The following TRIO variants were observed in gnomAD, a reference collection of about 807,000 sequenced individuals.
The protein encoded by TRIO is trio Rho guanine nucleotide exchange factor.
A neutral mutation model predicts 351.9 loss-of-function variants in TRIO; 58 were observed. The observed-to-expected ratio is 0.16, with a 90% CI of 0.13 to 0.21. The LOEUF (loss-of-function observed/expected upper bound fraction) is 0.21, where lower values mean the gene tolerates loss of function less well. TRIO is among the 10% of genes least tolerant of loss of function. The pLI, the probability that TRIO is intolerant of heterozygous loss-of-function variation, is 1.00. For synonymous variants in TRIO, 1,758 were observed against 1,595.7 expected (o/e 1.10, Z -2.42); for missense variants, 3,201 against 4,027.8 (o/e 0.79, Z 5.56).
At chr5:14,321,283 C>G (rs571183554) in intron 9 of TRIO, among the ~76,000 whole-genome samples, 20 of 152,310 alleles carry the variant, frequency 1.3e-4, no homozygotes, top group African/African-American at 4.3e-4. Flanking sequence ...GCGGCAAGTG[C>G]CTAGTGTGGA....
chr5:14,177,523 C>T (rs189315111), intron 1 of TRIO, among the ~76,000 whole-genome samples: 46 of 152,264 alleles, frequency 3.0e-4, no homozygotes, highest in African/African-American at 1.1e-3. Flanking sequence ...GCCCAGGATT[C>T]TTGTACTTTT....
intron 19 of TRIO, among the ~76,000 whole-genome samples, chr5:14,375,667 G>A (rs766480159): frequency 2.6e-5 from 4 of 152,190 alleles, no homozygotes; most frequent in East Asian, 1.9e-4. Flanking sequence ...CTCAGACCAC[G>A]TGGTCAGAGG....
intron 15 of TRIO, among the ~76,000 whole-genome samples, chr5:14,365,895 C>T (rs1179378132): frequency 3.3e-5 from 5 of 152,118 alleles, no homozygotes; most frequent in Non-Finnish European, 7.3e-5. Context: ...AAGGGGAACG[C>T]ATAATGAGAA....
At chr5:14,465,931 T>C in intron 37 of TRIO, 1 of 353,468 alleles carries the variant, frequency 2.8e-6, no homozygotes, top group South Asian at 3.5e-5. Context: ...TGGTTCAAGC[T>C]GCCAGCCATG....
intron 34 of TRIO, among the ~76,000 whole-genome samples, chr5:14,423,089 C>T (rs539122188): frequency 6.6e-6 from 1 of 152,356 alleles, no homozygotes; most frequent in South Asian, 2.1e-4. Flanking sequence ...CTTCCTCCGT[C>T]TCAGCATCTT....
At chr5:14,505,697 A>C (rs1255838686) in intron 55 of TRIO, among the ~76,000 whole-genome samples, 1 of 152,106 alleles carries the variant, frequency 6.6e-6, no homozygotes, top group Non-Finnish European at 1.5e-5. Flanking sequence ...ATGGCCCCAC[A>C]TGCAGCCTTA....
intron 11 of TRIO, among the ~76,000 whole-genome samples, chr5:14,348,960 A>G (rs1742734486): frequency 7.0e-6 from 1 of 142,376 alleles, no homozygotes; most frequent in African/African-American, 2.7e-5. Flanking sequence ...ACACGTGAGC[A>G]TGTGTGTTTT....
At chr5:14,250,107 C>G (rs955208963) in intron 1 of TRIO, among the ~76,000 whole-genome samples, 3 of 152,114 alleles carry the variant, frequency 2.0e-5, no homozygotes, top group Non-Finnish European at 4.4e-5. Context: ...CAATTTACAC[C>G]GACAGAAACT....
At chr5:14,270,121 A>G (rs959998413) in intron 1 of TRIO, among the ~76,000 whole-genome samples, 2 of 152,338 alleles carry the variant, frequency 1.3e-5, no homozygotes, top group South Asian at 2.1e-4. Flanking sequence ...TAAATTGCCT[A>G]TTGCATGCTC....
intron 1 of TRIO, among the ~76,000 whole-genome samples, chr5:14,204,112 T>C (rs535507527): frequency 6.6e-5 from 10 of 152,394 alleles, no homozygotes; most frequent in South Asian, 6.2e-4. Context: ...AAGCTGCTTA[T>C]GCTTTTTATT....
chr5:14,247,078 T>A (rs1004931600), intron 1 of TRIO, among the ~76,000 whole-genome samples: 1 of 151,992 alleles, frequency 6.6e-6, no homozygotes, highest in Admixed American at 6.5e-5. Context: ...CACCTCCCCC[T>A]TCCCCACAGC....
chr5:14,185,728 C>T (rs1389575485), intron 1 of TRIO, among the ~76,000 whole-genome samples: 1 of 152,182 alleles, frequency 6.6e-6, no homozygotes, highest in African/African-American at 2.4e-5. Context: ...CTTGGCTTGC[C>T]CCTCTTACAG....
At chr5:14,388,351 A>G (rs764281526) in intron 23 of TRIO, among the ~76,000 whole-genome samples, 1 of 152,190 alleles carries the variant, frequency 6.6e-6, no homozygotes, top group Non-Finnish European at 1.5e-5. Context: ...GCCCCACAGC[A>G]GAGTTACCTG....
intron 19 of TRIO, among the ~76,000 whole-genome samples, chr5:14,376,562 ATCTT>A (rs1158024628): frequency 3.9e-5 from 6 of 152,344 alleles, no homozygotes; most frequent in African/African-American, 1.4e-4. Flanking sequence ...TATCTTAGTC[ATCTT>A]TCTGTGTCAG....
At chr5:14,490,049 C>T (rs766687488) in intron 48 of TRIO, among the ~76,000 whole-genome samples, 6 of 152,194 alleles carry the variant, frequency 3.9e-5, no homozygotes, top group Non-Finnish European at 5.9e-5. Flanking sequence ...GAGGCCGAGA[C>T]GGGCAGATCA....
chr5:14,430,449 C>T (rs1751003523), intron 34 of TRIO, among the ~76,000 whole-genome samples: 1 of 152,130 alleles, frequency 6.6e-6, no homozygotes, highest in Non-Finnish European at 1.5e-5. Flanking sequence ...CAGTGATTTC[C>T]AAAGAGCAAG....
chr5:14,300,266 A>C (rs1322616256), intron 7 of TRIO, among the ~76,000 whole-genome samples: 1 of 152,234 alleles, frequency 6.6e-6, no homozygotes, highest in Non-Finnish European at 1.5e-5. Flanking sequence ...ATTTTGCTAC[A>C]GCTTAAAATA....
At chr5:14,278,990 C>T (rs552577425) in intron 2 of TRIO, among the ~76,000 whole-genome samples, 6 of 152,266 alleles carry the variant, frequency 3.9e-5, no homozygotes, top group African/African-American at 1.4e-4. Context: ...CTTTTGGAGC[C>T]TCAGTATCTT....
chr5:14,482,609 C>A lies in TRIO; in HGVS notation c.6493C>A (p.Leu2165Ile). ...GAAAATCGTTGCCCAGGGTAAACTGCTCTTGCAGGACACATTCTTGGTCAC... is the reference window on the plus strand; with the variant it reads ...GAAAATCGTTGCCCAGGGTAAACTGATCTTGCAGGACACATTCTTGGTCAC... ...DGKIVAQGKL[L>I]LQDTFLVTDQ... Residue 2165 changes from leucine (L) to isoleucine (I), a missense_variant, in exon 46 of 57, where the codon CTC (leucine) becomes ATC (isoleucine). Transcript: ENST00000344204. The A allele has an allele frequency of 6.5e-7, 1 of 1,538,100 alleles. No homozygotes were observed. The highest frequency in any genetic ancestry group is 1.2e-5 in the South Asian group (1 of 80,882).
Sources: allele counts gnomAD v4.1 joint callset (sites outside exome capture counted in the v4.1 genomes callset), GRCh38; gene constraint gnomAD v4.1.1; transcripts MANE v1.5; gene names NCBI Gene and HGNC (gene_info 2026-07-23, HGNC 2026-07-21).